IPO13: variants seen among roughly 807,000 people sequenced by gnomAD.
IPO13 encodes importin 13.
IPO13 carries 28 observed loss-of-function variants against 115.5 expected under a neutral mutation model. The observed-to-expected ratio is 0.24, with a 90% CI of 0.18 to 0.33. The LOEUF is 0.33. IPO13 is among the 10% of genes least tolerant of loss of function. The pLI is 1.00. For missense variants in IPO13, 785 were observed against 1,204.6 expected (o/e 0.65, Z 5.16); for synonymous variants, 414 against 478.9 (o/e 0.86, Z 1.77).
rs2154302242 is a variant in IPO13 at position 43,957,282 on chromosome 1, G to A, written c.1359G>A (p.Leu453=). ...LSNLYDKLGR[L]LTSSEEPYSW... is the part of the protein sequence containing the mutation. ...ACCTCTATGACAAGCTGGGTCGTTT[G>A]CTCACCAGCTCAGAGGAGCCCTACT... Residue 453 remains leucine, a synonymous_variant, in exon 6 of 20, where the codon TTG becomes TTA. Transcript: ENST00000372343. 6.2e-7 allele frequency: 1 copy of A among 1,614,084 alleles called. No homozygotes were observed. The highest frequency in any genetic ancestry group is 8.5e-7 in the Non-Finnish European group (1 of 1,180,008).
At chr1:43,959,021 A>G (rs1219204079) in intron 11 of IPO13, 132 bp downstream of exon 11, 18 of 864,848 alleles carry the variant, frequency 2.1e-5, no homozygotes, top group Admixed American at 7.6e-5. Context: ...CGTGGGCGTG[A>G]TATATTTGGT....
intron 11 of IPO13, among the ~76,000 whole-genome samples, chr1:43,959,811 C>T (rs2085277603): frequency 6.6e-6 from 1 of 152,190 alleles, no homozygotes; most frequent in Admixed American, 6.5e-5. Context: ...TCTGCTCCTC[C>T]ATAAGCTGGG....
At position 43,967,537 on chromosome 1, in the gene IPO13, G is replaced by A. The variant is rs200989016; in HGVS notation, c.2795+41G>A. On this transcript the variant is annotated intron_variant, in intron 19 of 19. Coordinates refer to ENST00000372343, the MANE Select transcript of IPO13 (RefSeq NM_014652.4). The surrounding 1 kb of genome is among the most constrained non-coding windows in gnomAD (Gnocchi z 6.1). ...GTGGGCCTGGGGTCAGGCAGAGAGG[G>A]GGCAGTGGTGGTGGCTGGTGCTAAC... The A allele has an allele frequency of 4.6e-5, 74 of 1,614,082 alleles. No individual in the cohort carries two copies. The African/African-American group carries it at 8.5e-4, about 19-fold the overall frequency.
chr1:43,966,517 G>T lies in IPO13; in HGVS notation c.2398-58G>T, dbSNP rs765942417. Reference sequence around the variant, plus strand: ...TTGGGGGCTGGGGTGGCAGGTGAGTGGGGGGGATGGTCCTTGGAGCTGGCT... The same window carrying T: ...TTGGGGGCTGGGGTGGCAGGTGAGTTGGGGGGATGGTCCTTGGAGCTGGCT... On this transcript the variant is annotated intron_variant, in intron 15 of 19. Coordinates refer to ENST00000372343, the MANE Select transcript of IPO13 (RefSeq NM_014652.4). The surrounding 1 kb of genome is among the most constrained non-coding windows in gnomAD (Gnocchi z 4.1). 62 of 1,546,072 alleles carry T rather than the reference G, an allele frequency of 4.0e-5. No homozygotes were observed. The highest frequency in any genetic ancestry group is 2.5e-4 in the East Asian group (11 of 44,490).
Position 43,947,065 on chromosome 1 carries a change from C to T in IPO13, c.-536C>T. Reference sequence around the variant, plus strand: ...GGGACCTGCCACAGCCCCTCAACTCCACGGACTCTTCGCCCTAGACTAGCG... The same window carrying T: ...GGGACCTGCCACAGCCCCTCAACTCTACGGACTCTTCGCCCTAGACTAGCG... On this transcript the variant is annotated 5_prime_UTR_variant, in exon 1 of 20. Transcript: ENST00000372343. 2.5e-6 allele frequency: 1 copy of T among 398,766 alleles called. No individual in the cohort carries two copies. The highest frequency in any genetic ancestry group is 4.4e-6 in the Non-Finnish European group (1 of 226,140). The allele number at this position is 398,766 out of a possible 1,614,324, so 24.7% of individuals were successfully genotyped here.
In IPO13 at chr1:43,949,799, C is replaced by T. The variant is rs981217383; in HGVS notation, c.467C>T (p.Pro156Leu). Residue 156 changes from proline (P) to leucine (L), a missense_variant, in exon 2 of 20, where the codon CCA becomes CTA. This residue lies in a region of IPO13 where 325 missense variants were observed against 449.8 expected (regional missense o/e 0.72). Coordinates refer to ENST00000372343, the MANE Select transcript of IPO13 (RefSeq NM_014652.4). ...CGACTCTTCCAGGCTGAGGACTCACCAGTGGATGGGCAGGGCCGCTGCCTA... is the reference window on the plus strand; with the variant it reads ...CGACTCTTCCAGGCTGAGGACTCACTAGTGGATGGGCAGGGCCGCTGCCTA... The part of the protein sequence containing the change: ...MVRLFQAEDS[P>L]VDGQGRCLAL... The T allele has an allele frequency of 1.9e-6, 3 of 1,614,128 alleles. No homozygotes were observed. Among genetic ancestry groups the T allele is most frequent in the Non-Finnish European group, 1.7e-6 (2 of 1,180,010 alleles).
At position 43,958,574 on chromosome 1, in the gene IPO13, G is replaced by A. The variant is rs1219937555; in HGVS notation, c.1863G>A (p.Leu621=). The A allele has an allele frequency of 6.2e-7, 1 of 1,614,072 alleles. No individual in the cohort carries two copies. Among genetic ancestry groups the A allele is most frequent in the Admixed American group, 1.7e-5 (1 of 60,014 alleles). ...TTATCTCACCCTATATCCAGCAACT[G>A]GAGAAGCTGGCAGAGGAGATAGTGA... ...HSLISPYIQQ[L]EKLAEEIPNP... is the part of the protein sequence containing the mutation. Residue 621 remains leucine, a synonymous_variant, in exon 10 of 20, where the codon CTG becomes CTA. Coordinates refer to ENST00000372343, the MANE Select transcript of IPO13 (RefSeq NM_014652.4). This position sits in a 1 kb window ranked among gnomAD's most constrained non-coding sequence, Gnocchi z 6.3.
rs1256220428 is a variant in IPO13 at position 43,967,728 on chromosome 1, T to A, written c.*46T>A. The A allele has an allele frequency of 2.6e-6, 4 of 1,552,526 alleles. No individual in the cohort carries two copies. The African/African-American group carries it at 5.4e-5, about 21-fold the overall frequency. On this transcript the variant is annotated 3_prime_UTR_variant, in exon 20 of 20. Coordinates refer to ENST00000372343, the MANE Select transcript of IPO13 (RefSeq NM_014652.4). The surrounding 1 kb of genome is among the most constrained non-coding windows in gnomAD (Gnocchi z 6.1). ...ACCCCTTCTCTTCATCCTTCCCTATTCCCAAAGAGTAAACCTGGACCCTCA... is the reference window on the plus strand; with the variant it reads ...ACCCCTTCTCTTCATCCTTCCCTATACCCAAAGAGTAAACCTGGACCCTCA...
At position 43,957,392 on chromosome 1, in the gene IPO13, C is replaced by T. The variant is rs2154302249; in HGVS notation, c.1393-10C>T. 1 of 1,614,152 alleles carries T rather than the reference C, an allele frequency of 6.2e-7. No homozygotes were observed. Among genetic ancestry groups the T allele is most frequent in the East Asian group, 2.2e-5 (1 of 44,892 alleles). On this transcript the variant is annotated splice_polypyrimidine_tract_variant and intron_variant, in intron 6 of 19. Coordinates refer to ENST00000372343, the MANE Select transcript of IPO13 (RefSeq NM_014652.4). ...TCCTCATCCAAGCCAGTGGCACCCT[C>T]TTTCCCCAGCACACAGAGGCCCTCC...
intron 14 of IPO13, among the ~76,000 whole-genome samples, chr1:43,961,857 T>G (rs1386786951): frequency 6.6e-6 from 1 of 152,242 alleles, no homozygotes; most frequent in East Asian, 1.9e-4. Context: ...TAGTACTTTC[T>G]AGGCCAGAAG....
intron 15 of IPO13, chr1:43,965,920 G>A (rs1480636365): frequency 4.9e-5 from 8 of 163,684 alleles, no homozygotes; most frequent in Non-Finnish European, 9.4e-5. Flanking sequence ...GGTACCACTC[G>A]GGGCAGGCCA....
chr1:43,949,696 C>T lies in IPO13; in HGVS notation c.364C>T (p.Arg122Trp). ...CAGTGGCTCCAAGATTGTACTGACTCGGCTGTGCGTGGCACTGGCCTCACT... is the reference window on the plus strand; with the variant it reads ...CAGTGGCTCCAAGATTGTACTGACTTGGCTGTGCGTGGCACTGGCCTCACT... ...FASGSKIVLT[R>W]LCVALASLAL... Residue 122 changes from arginine (R) to tryptophan (W), a missense_variant, in exon 2 of 20, where the codon CGG becomes TGG. Arg to Trp is a moderately radical substitution (Grantham distance 101, BLOSUM62 -3). Around this residue, in one of 3 missense-constraint regions of IPO13, gnomAD observed 325 missense variants for 449.8 expected, o/e 0.72. Transcript: ENST00000372343. 4 of 1,614,246 alleles carry T rather than the reference C, an allele frequency of 2.5e-6. No individual in the cohort carries two copies. The highest frequency in any genetic ancestry group is 2.2e-5 in the East Asian group (1 of 44,882).
chr1:43,951,487 A>G (rs2085208588), intron 2 of IPO13, among the ~76,000 whole-genome samples: 1 of 152,214 alleles, frequency 6.6e-6, no homozygotes, highest in African/African-American at 2.4e-5. Context: ...GAAAGCCCAG[A>G]GGGTCTGGTG....
Position 43,967,151 on chromosome 1 carries a change from A to C in IPO13, c.2613+132A>C. 9.0e-7 allele frequency: 1 copy of C among 1,116,870 alleles called. No homozygotes were observed. The highest frequency in any genetic ancestry group is 1.3e-6 in the Non-Finnish European group (1 of 748,236). The allele number at this position is 1,116,870 out of a possible 1,614,324, so 69.2% of individuals were successfully genotyped here. On this transcript the variant is annotated intron_variant, in intron 18 of 19. Transcript: ENST00000372343. The surrounding 1 kb of genome is among the most constrained non-coding windows in gnomAD (Gnocchi z 6.1). ...TGTTTCTTCTTCAATTAAATGCCTG[A>C]AAGTTGTTAGGATTGCTGTGGGGAT...
At position 43,956,578 on chromosome 1, in the gene IPO13, A is replaced by T; in HGVS notation, c.981A>T (p.Val327=). Residue 327 remains valine (V), a synonymous_variant, in exon 4 of 20, where the codon GTA becomes GTT. Transcript: ENST00000372343. This position sits in a 1 kb window ranked among gnomAD's most constrained non-coding sequence, Gnocchi z 4.7. ...ENHSRALLDQ[V]EHWQSFLALV... ...TCCCCAGGGCCTTGCTGGACCAAGT[A>T]GAGCACTGGCAGAGTTTCCTGGCAC... 1 of 1,614,248 alleles carries T rather than the reference A, an allele frequency of 6.2e-7. No homozygotes were observed. Among genetic ancestry groups the T allele is most frequent in the Non-Finnish European group, 8.5e-7 (1 of 1,180,048 alleles).
At position 43,958,388 on chromosome 1, in the gene IPO13, C is replaced by A. The variant is rs985778067; in HGVS notation, c.1750-73C>A. The A allele has an allele frequency of 1.9e-6, 3 of 1,610,200 alleles. No individual in the cohort carries two copies. The African/African-American group carries it at 4.0e-5, about 22-fold the overall frequency. On this transcript the variant is annotated intron_variant, in intron 9 of 19. Coordinates refer to ENST00000372343, the MANE Select transcript of IPO13 (RefSeq NM_014652.4). This position sits in a 1 kb window ranked among gnomAD's most constrained non-coding sequence, Gnocchi z 6.3. ...CCCTTATTCTCTGTTTTTCTTCTCC[C>A]AAGAGGCTCATTTTCCTTCCTACCC...
intron 1 of IPO13, 167 bp from the exon 2 acceptor site, chr1:43,949,250 C>T (rs1309898302): frequency 1.9e-5 from 12 of 643,806 alleles, no homozygotes; most frequent in Non-Finnish European, 2.9e-5. Flanking sequence ...CTCAAGATAT[C>T]AGCAGGACCC....
intron 15 of IPO13, 102 bp downstream of exon 15, chr1:43,964,423 T>G: frequency 2.1e-6 from 2 of 969,248 alleles, no homozygotes; most frequent in Non-Finnish European, 3.2e-6. Flanking sequence ...GTTGACAAAT[T>G]TTTTTTCTGT....
In IPO13 at chr1:43,957,533, T is replaced by A; in HGVS notation, c.1524T>A (p.Thr508=). 6.2e-7 allele frequency: 1 copy of A among 1,614,188 alleles called. No homozygotes were observed. The highest frequency in any genetic ancestry group is 1.3e-5 in the African/African-American group (1 of 75,052). Residue 508 remains threonine (T), a synonymous_variant, in exon 7 of 20, where the codon ACT becomes ACA. Coordinates refer to ENST00000372343, the MANE Select transcript of IPO13 (RefSeq NM_014652.4). ...TCAGCAACGTGCAGCTGGCAGACACTGTCATGTTCACCATTGGTGAGACCT... is the reference window on the plus strand; with the variant it reads ...TCAGCAACGTGCAGCTGGCAGACACAGTCATGTTCACCATTGGTGAGACCT... ...ISISNVQLAD[T]VMFTIGALSE...
Sources: gnomAD v4.1 joint callset for allele counts (sites outside exome capture counted in the v4.1 genomes callset) on GRCh38, gnomAD v4.1.1 for gene constraint, gnomAD v4.1.1 regional missense constraint, Gnocchi (gnomAD v3.1) non-coding constraint, MANE v1.5 for transcripts, NCBI Gene and HGNC (gene_info 2026-07-23, HGNC 2026-07-21) for gene names.